LHCGR: variants seen among roughly 807,000 people sequenced by gnomAD.
LHCGR encodes the protein luteinizing hormone/choriogonadotropin receptor, also known as lutropin-choriogonadotropic hormone receptor.
Under a neutral mutation model 60.7 loss-of-function variants are expected in LHCGR, and 55 were observed. The observed-to-expected ratio is 0.91, with a 90% CI of 0.73 to 1.13. The LOEUF is 1.13. Ranked by LOEUF, LHCGR falls within the 50% of genes most tolerant of loss-of-function variation. The pLI is 0.00. For synonymous variants in LHCGR, 337 were observed against 316.5 expected, an observed-to-expected ratio of 1.06 and a Z score of -0.69; for missense variants, 862 against 836.0, an observed-to-expected ratio of 1.03 and a Z score of -0.38.
At chr2:48,702,123 A>G (rs1667439643) in intron 8 of LHCGR, among the ~76,000 whole-genome samples, 2 of 152,118 alleles carry the variant, frequency 1.3e-5, no homozygotes, top group South Asian at 2.1e-4. Context: ...TGAGAGCAGC[A>G]CAGTATCTGG....
chr2:48,690,247 T>A (rs989581538), intron 10 of LHCGR, among the ~76,000 whole-genome samples: 1 of 152,218 alleles, frequency 6.6e-6, no homozygotes, highest in African/African-American at 2.4e-5. Flanking sequence ...GGGTTCTGCC[T>A]ATCTCTCCAA....
At chr2:48,750,237 C>T (rs937843087) in intron 1 of LHCGR, among the ~76,000 whole-genome samples, 17 of 152,080 alleles carry the variant, frequency 1.1e-4, no homozygotes, top group Admixed American at 9.2e-4. Context: ...TTCCTGGGGG[C>T]TGTTACCTTG....
Position 48,729,244 on chromosome 2 carries a change from G to A in LHCGR, c.234-17C>T. On this transcript the variant is annotated splice_polypyrimidine_tract_variant and intron_variant, in intron 2 of 10. Coordinates refer to ENST00000294954, the MANE Select transcript of LHCGR (RefSeq NM_000233.4). Reference sequence around the variant, plus strand: ...GAGATTTCACTAGGGAAGAGAGGAGGGGGAAAAAGAGAAAGAAACATGAAA... The same window carrying A: ...GAGATTTCACTAGGGAAGAGAGGAGAGGGAAAAAGAGAAAGAAACATGAAA... The A allele has an allele frequency of 1.3e-6, 2 of 1,571,722 alleles. No individual in the cohort carries two copies. The highest frequency in any genetic ancestry group is 8.7e-7 in the Non-Finnish European group (1 of 1,145,432).
intron 1 of LHCGR, among the ~76,000 whole-genome samples, chr2:48,753,551 C>A (rs1303138822): frequency 6.6e-6 from 1 of 152,142 alleles, no homozygotes; most frequent in Non-Finnish European, 1.5e-5. Context: ...CTAGTCAGCC[C>A]TATCAGATAT....
chr2:48,711,806 G>T (rs1279810840), intron 7 of LHCGR, among the ~76,000 whole-genome samples: 1 of 152,040 alleles, frequency 6.6e-6, no homozygotes, highest in East Asian at 1.9e-4. Flanking sequence ...GATGATCCTG[G>T]CATTTGTGTC....
At chr2:48,700,588 G>C (rs930255105) in intron 8 of LHCGR, among the ~76,000 whole-genome samples, 1 of 152,222 alleles carries the variant, frequency 6.6e-6, no homozygotes, top group Non-Finnish European at 1.5e-5. Context: ...ACCTGAGCCA[G>C]AGGCAGCTCT....
intron 1 of LHCGR, among the ~76,000 whole-genome samples, chr2:48,747,180 C>T (rs187508195): frequency 4.1e-4 from 62 of 151,990 alleles, no homozygotes; most frequent in African/African-American, 1.4e-3. Context: ...ACCTCTGTCT[C>T]CTGGTTCAAG....
intron 6 of LHCGR, among the ~76,000 whole-genome samples, chr2:48,719,419 C>T (rs973402940): frequency 6.6e-6 from 1 of 152,156 alleles, no homozygotes; most frequent in Non-Finnish European, 1.5e-5. Flanking sequence ...CCAGACATCA[C>T]TTCTCTGTAG....
chr2:48,724,832 G>C (rs4366951), intron 4 of LHCGR, among the ~76,000 whole-genome samples: 55,986 of 152,002 alleles, frequency 0.37, 11,703 homozygotes, highest in Non-Finnish European at 0.48. Context: ...AGTTCCAGTA[G>C]CAGCTCTTAT....
chr2:48,699,991 A>C (rs1432541565), intron 8 of LHCGR, among the ~76,000 whole-genome samples: 1 of 152,222 alleles, frequency 6.6e-6, no homozygotes, highest in East Asian at 1.9e-4. Flanking sequence ...TGTTCAGCAC[A>C]TGGGAGGGGA....
At chr2:48,755,035 C>T (rs12052559) in intron 1 of LHCGR, among the ~76,000 whole-genome samples, 26,129 of 151,958 alleles carry the variant, frequency 0.17, 2,454 homozygotes, top group East Asian at 0.32. Flanking sequence ...AGTCAGTTGA[C>T]AGATTAGGTC....
At position 48,731,238 on chromosome 2, in the gene LHCGR, C is replaced by T. The variant is rs757817671; in HGVS notation, c.222G>A (p.Glu74=). The T allele has an allele frequency of 2.5e-6, 4 of 1,606,224 alleles. No homozygotes were observed. In the Admixed American group the frequency reaches 6.7e-5, roughly 27 times the overall value. ...IPSQAFRGLN[E]VIKIEISQID... ...AGTAACTTACTTACATTTTTATGACCTCATTAAGTCCTCTGAAAGCTTGAG... is the reference window on the plus strand; with the variant it reads ...AGTAACTTACTTACATTTTTATGACTTCATTAAGTCCTCTGAAAGCTTGAG... Residue 74 remains glutamate (E), a synonymous_variant, in exon 2 of 11, where the codon GAG becomes GAA. Coordinates refer to ENST00000294954, the MANE Select transcript of LHCGR (RefSeq NM_000233.4).
At chr2:48,697,516 CTG>C (rs1431567243) in intron 9 of LHCGR, among the ~76,000 whole-genome samples, 1 of 152,214 alleles carries the variant, frequency 6.6e-6, no homozygotes, top group Non-Finnish European at 1.5e-5. Flanking sequence ...GCACATGACT[CTG>C]TGAATACAGC....
chr2:48,734,629 C>T (rs1455351407), intron 1 of LHCGR, among the ~76,000 whole-genome samples: 1 of 152,044 alleles, frequency 6.6e-6, no homozygotes, highest in Non-Finnish European at 1.5e-5. Flanking sequence ...GTTAGGCATA[C>T]TTGTATTCCA....
In LHCGR at chr2:48,688,093, A is replaced by T. The variant is rs1162725314; in HGVS notation, c.1704T>A (p.Ala568=). 6.2e-7 allele frequency: 1 copy of T among 1,614,170 alleles called. No homozygotes were observed. ...LMATNKDTKI[A]KKMAILIFTD... ...TGAAGATGAGGATTGCCATTTTCTTAGCAATCTTTGTATCTTTATTGGTAG... is the reference window on the plus strand; with the variant it reads ...TGAAGATGAGGATTGCCATTTTCTTTGCAATCTTTGTATCTTTATTGGTAG... Residue 568 remains alanine (A), a synonymous_variant, in exon 11 of 11, where the codon GCT becomes GCA. Transcript: ENST00000294954. The surrounding 1 kb of genome is among the most constrained non-coding windows in gnomAD (Gnocchi z 5.2).
At chr2:48,743,235 T>C (rs1210276864) in intron 1 of LHCGR, among the ~76,000 whole-genome samples, 3 of 151,994 alleles carry the variant, frequency 2.0e-5, no homozygotes, top group East Asian at 3.9e-4. Context: ...CAGGACCAGA[T>C]GGATTCACAG....
At chr2:48,728,798 A>G (rs562138849) in intron 3 of LHCGR, among the ~76,000 whole-genome samples, 7 of 152,246 alleles carry the variant, frequency 4.6e-5, no homozygotes, top group South Asian at 2.1e-4. Context: ...ACAGCCCCCA[A>G]TGAACCAATT....
rs150778909 is a variant in LHCGR, at chr2:48,700,433, C to T, written c.681-1633G>A. Among the ~76,000 whole-genome samples the T allele has an allele frequency of 2.0e-4, 31 of 152,206 alleles. No homozygotes were observed. In the East Asian group the frequency reaches 6.0e-3, roughly 29 times the overall value. On this transcript the variant is annotated intron_variant, in intron 8 of 10. Coordinates refer to ENST00000294954, the MANE Select transcript of LHCGR (RefSeq NM_000233.4). ...AACAACCCCTTGGGAAGGAAGAGACCTAGGTCTGGTGCTAGTGTTTTGGAC... is the reference window on the plus strand; with the variant it reads ...AACAACCCCTTGGGAAGGAAGAGACTTAGGTCTGGTGCTAGTGTTTTGGAC...
At chr2:48,694,745 C>T (rs1667033435) in intron 9 of LHCGR, among the ~76,000 whole-genome samples, 1 of 152,076 alleles carries the variant, frequency 6.6e-6, no homozygotes, top group African/African-American at 2.4e-5. Context: ...CTGGACCTGA[C>T]ATTATGATGT....
Sources: gnomAD v4.1 joint callset for allele counts (sites outside exome capture counted in the v4.1 genomes callset) on GRCh38, gnomAD v4.1.1 for gene constraint, Gnocchi (gnomAD v3.1) non-coding constraint, MANE v1.5 for transcripts, NCBI Gene and HGNC (gene_info 2026-07-23, HGNC 2026-07-21) for gene names.